CCN5: variants seen among roughly 807,000 people sequenced by gnomAD.
The protein encoded by CCN5 is CCN family member 5.
In CCN5, 17 loss-of-function variants were observed where a neutral mutation model predicts 18.7. The ratio of observed to expected loss-of-function variants is 0.91; its 90% CI spans 0.62 to 1.36. CCN5 has a LOEUF of 1.36. Among genes scored for constraint, CCN5 ranks in the 40% most tolerant of loss-of-function variants. The pLI is 0.00. For synonymous variants in CCN5, 135 were observed against 145.2 expected (o/e 0.93, Z 0.50); for missense variants, 367 against 342.9 (o/e 1.07, Z -0.56).
chr20:44,715,596 G>A, intron 1 of CCN5, 146 bp downstream of exon 1: 1 of 890,258 alleles, frequency 1.1e-6, no homozygotes. Context: ...CCTAAGCAGG[G>A]CTTCTCTCCC....
Position 44,720,080 on chromosome 20 carries a change from G to A in CCN5, c.244G>A (p.Ala82Thr), listed in dbSNP as rs2065887940. 2 of 1,571,890 alleles carry A rather than the reference G, an allele frequency of 1.3e-6. No homozygotes were observed. The highest frequency in any genetic ancestry group is 1.8e-5 in the Admixed American group (1 of 54,768). ...CCAGGGCCTGGTCTGCCAGCCCGGG[G>A]CAGGACCCGGTGGCCGGGGGGCCCT... ...ASQGLVCQPG[A>T]GPGGRGALCL... Residue 82 changes from alanine (A) to threonine (T), a missense_variant, in exon 2 of 4, where the codon GCA (alanine) becomes ACA (threonine). Physicochemically the swap from Ala to Thr is moderately conservative, Grantham distance 58. Coordinates refer to ENST00000190983, the MANE Select transcript of CCN5 (RefSeq NM_003881.4).
At chr20:44,719,806 A>G (rs2065884586) in intron 1 of CCN5, 91 bp from the exon 2 acceptor site, 2 of 1,388,016 alleles carry the variant, frequency 1.4e-6, no homozygotes, top group African/African-American at 1.4e-5. Flanking sequence ...TGGACACCAC[A>G]CTACCCAGCC....
At position 44,715,433 on chromosome 20, in the gene CCN5, C is replaced by A. The variant is rs2065853016; in HGVS notation, c.43C>A (p.Leu15Ile). The change falls in exon 1 of 4, where the codon CTC becomes ATC. Residue 15 changes from leucine to isoleucine, a missense_variant. Coordinates refer to ENST00000190983, the MANE Select transcript of CCN5 (RefSeq NM_003881.4). Reference protein sequence around the residue: ...PKTHLLAFSLLCLLSKVRTQL... With the variant: ...PKTHLLAFSLICLLSKVRTQL... ...GACCCACCTCCTGGCCTTCTCCCTCCTCTGCCTCCTCTCAAAGGTAAGGAG... is the reference window on the plus strand; with the variant it reads ...GACCCACCTCCTGGCCTTCTCCCTCATCTGCCTCCTCTCAAAGGTAAGGAG... 6.3e-7 allele frequency: 1 copy of A among 1,597,180 alleles called. No individual in the cohort carries two copies.
rs148940853 is a variant in CCN5 at position 44,720,028 on chromosome 20, C to G, written c.192C>G (p.Cys64Trp). The part of the protein sequence containing the change: ...RVCARRLGEP[C>W]DQLHVCDASQ... ...GTGCACGGCGGCTGGGGGAGCCCTG[C>G]GACCAACTCCACGTCTGCGACGCCA... Residue 64 changes from cysteine to tryptophan, a missense_variant, in exon 2 of 4, where the codon TGC becomes TGG. Cys to Trp is a radical substitution (Grantham distance 215, BLOSUM62 -2). Coordinates refer to ENST00000190983, the MANE Select transcript of CCN5 (RefSeq NM_003881.4). 2 of 1,604,608 alleles carry G rather than the reference C, an allele frequency of 1.2e-6. No homozygotes were observed. The highest frequency in any genetic ancestry group is 3.4e-5 in the Admixed American group (2 of 59,444).
intron 2 of CCN5, among the ~76,000 whole-genome samples, chr20:44,722,465 C>CTTTT (rs11341536): frequency 2.2e-4 from 23 of 106,750 alleles, no homozygotes; most frequent in South Asian, 3.6e-4. Flanking sequence ...ATCTCTCTCT[C>CTTTT]TTTTTTTTTT....
At chr20:44,715,269 G>T, upstream of CCN5, 4 of 595,160 alleles carry the variant, frequency 6.7e-6, no homozygotes, top group African/African-American at 2.3e-5. Flanking sequence ...GTGAGCGCGC[G>T]CGCGCGCGCG....
At chr20:44,715,490 T>G in intron 1 of CCN5, 40 bp downstream of exon 1, 16 of 1,546,938 alleles carry the variant, frequency 1.0e-5, no homozygotes, top group Non-Finnish European at 1.2e-5. Flanking sequence ...GCTGACTATT[T>G]GGGTGTGGAG....
chr20:44,726,407 GTCA>G (rs1568882278), intron 3 of CCN5, among the ~76,000 whole-genome samples: 3 of 152,036 alleles, frequency 2.0e-5, no homozygotes, highest in African/African-American at 7.3e-5. Flanking sequence ...GTTTCTCAAC[GTCA>G]GCACTAGTGA....
chr20:44,718,007 C>T (rs116592240), intron 1 of CCN5, among the ~76,000 whole-genome samples: 2,792 of 152,240 alleles, frequency 0.018, 95 homozygotes, highest in African/African-American at 0.065. Flanking sequence ...TCCTAGATGA[C>T]GCTGCTGCTG....
At chr20:44,721,211 G>A (rs970032746) in intron 2 of CCN5, 14 of 151,922 alleles carry the variant, frequency 9.2e-5, no homozygotes, top group African/African-American at 3.4e-4. Context: ...GAAAAGCCTT[G>A]TTAAAAAACA....
At chr20:44,725,071 G>C (rs964991042) in intron 3 of CCN5, 79 bp downstream of exon 3, 7 of 1,432,142 alleles carry the variant, frequency 4.9e-6, no homozygotes, top group Non-Finnish European at 6.4e-6. Flanking sequence ...GGTGGGGGGC[G>C]GCTTCCTGGG....
chr20:44,715,229 T>TTGTGTGTG (rs746209770), upstream of CCN5: 514 of 517,384 alleles, frequency 9.9e-4, 1 homozygote, highest in South Asian at 2.7e-3. Context: ...GCTAGTGTGT[T>TTGTGTGTG]TGTGTGTGTG....
At chr20:44,719,876 G>A in intron 1 of CCN5, 21 bp from the exon 2 acceptor site, 1 of 1,605,724 alleles carries the variant, frequency 6.2e-7, no homozygotes, top group Non-Finnish European at 8.5e-7. Context: ...CCGTGGCTGA[G>A]TGAGGTCTCT....
intron 2 of CCN5, chr20:44,723,817 T>C (rs2065916556): frequency 6.6e-6 from 1 of 152,198 alleles, no homozygotes; most frequent in Non-Finnish European, 1.5e-5. Context: ...AAACAGTAAA[T>C]ATCTCTGGAA....
At position 44,719,965 on chromosome 20, in the gene CCN5, AC is replaced by A; in HGVS notation, c.133del (p.Leu45TrpfsTer58). The A allele has an allele frequency of 1.2e-6, 2 of 1,613,716 alleles. No homozygotes were observed. Among genetic ancestry groups the A allele is most frequent in the Non-Finnish European group, 1.7e-6 (2 of 1,179,906 alleles). On this transcript the variant is annotated frameshift_variant, in exon 2 of 4. Coordinates refer to ENST00000190983, the MANE Select transcript of CCN5 (RefSeq NM_003881.4). LOFTEE classifies it high-confidence loss of function. ...WPPPRCPLGV[P>X]LVLDGCGCCR... ...CACCTCCCCGATGCCCGCTGGGAGT[AC>A]CCCTGGTGCTGGATGGCTGTGGCTG...
intron 2 of CCN5, chr20:44,720,372 A>C: frequency 1.9e-6 from 1 of 516,914 alleles, no homozygotes; most frequent in Admixed American, 4.0e-5. Context: ...CCAACTTTCA[A>C]AGCCAAGTTC....
intron 1 of CCN5, 38 bp downstream of exon 1, chr20:44,715,488 T>G (rs1276689735): frequency 1.3e-6 from 2 of 1,568,066 alleles, no homozygotes; most frequent in Non-Finnish European, 8.7e-7. Flanking sequence ...CTGCTGACTA[T>G]TTGGGTGTGG....
At chr20:44,717,168 T>C (rs1406328701) in intron 1 of CCN5, among the ~76,000 whole-genome samples, 1 of 152,188 alleles carries the variant, frequency 6.6e-6, no homozygotes, top group Non-Finnish European at 1.5e-5. Flanking sequence ...CTGGCTGTGT[T>C]ACTACACGGT....
At chr20:44,716,010 GCCTGT>G (rs2065857495) in intron 1 of CCN5, among the ~76,000 whole-genome samples, 2 of 152,248 alleles carry the variant, frequency 1.3e-5, no homozygotes, top group Non-Finnish European at 2.9e-5. Flanking sequence ...TCACCAAAGA[GCCTGT>G]GGGACATCTA....
Sources: allele counts gnomAD v4.1 joint callset (sites outside exome capture counted in the v4.1 genomes callset), GRCh38; gene constraint gnomAD v4.1.1; transcripts MANE v1.5; gene names NCBI Gene and HGNC (gene_info 2026-07-23, HGNC 2026-07-21).